Variants in NFIC observed in about 807,000 individuals in gnomAD.
NFIC encodes nuclear factor 1 C-type.
NFIC carries 12 observed loss-of-function variants against 54.4 expected under a neutral mutation model. The ratio of observed to expected loss-of-function variants is 0.22; its 90% CI spans 0.14 to 0.36. NFIC has a LOEUF of 0.36. NFIC is among the 10% of genes least tolerant of loss of function. The probability of loss-of-function intolerance (pLI) is 1.00; values close to 1 mark genes in which losing one functional copy is unlikely to be tolerated. For synonymous variants in NFIC, 322 were observed against 319.2 expected (o/e 1.01, Z -0.09); for missense variants, 575 against 718.2 (o/e 0.80, Z 2.28).
rs371032603 is a variant in NFIC, at chr19:3,434,259, C to T, written c.710-18C>T. The T allele has an allele frequency of 4.4e-6, 7 of 1,601,752 alleles. No homozygotes were observed. Among genetic ancestry groups the T allele is most frequent in the Non-Finnish European group, 5.1e-6 (6 of 1,175,976 alleles). On this transcript the variant is annotated intron_variant, in intron 4 of 10. Coordinates refer to ENST00000443272, the MANE Select transcript of NFIC (RefSeq NM_001245002.2). ...GGGCACTGCTTCCTGCCTCACTCTC[C>T]TCTGTCACCCTCTGCAGCACCCGTG... is the stretch of plus-strand genomic sequence containing the variant.
rs2082671845 is a variant in NFIC at position 3,463,528 on chromosome 19, A to G, written c.*759A>G. The G allele has an allele frequency of 2.0e-6, 2 of 982,870 alleles. No individual in the cohort carries two copies. The highest frequency in any genetic ancestry group is 3.5e-5 in the African/African-American group (2 of 56,372). 60.9% of individuals were successfully genotyped at this position (982,870 alleles called of 1,614,324 possible). On this transcript the variant is annotated 3_prime_UTR_variant, in exon 11 of 11. Transcript: ENST00000443272. ...CGGGGCCTCCCCACAAGCCCCTCCC[A>G]AAGCGCCGGCCGACTCGCTGTCTCG... is the stretch of plus-strand genomic sequence containing the variant.
intron 2 of NFIC, among the ~76,000 whole-genome samples, chr19:3,417,050 A>ATT (rs71164695): frequency 1.3e-5 from 2 of 150,316 alleles, no homozygotes; most frequent in South Asian, 2.1e-4. Flanking sequence ...GGCCCAGCTA[A>ATT]TTTTTTTTGT....
In NFIC at chr19:3,448,984, T is replaced by C. The variant is rs562041659; in HGVS notation, c.959-30T>C. 4.4e-6 allele frequency: 7 copies of C among 1,601,108 alleles called. No homozygotes were observed. The East Asian group carries it at 6.7e-5, about 15-fold the overall frequency. On this transcript the variant is annotated intron_variant, in intron 6 of 10. Coordinates refer to ENST00000443272, the MANE Select transcript of NFIC (RefSeq NM_001245002.2). ...CAGGGCTCATGGGGTGTGACCAGCC[T>C]GTGACTCTCTCGTCCCATCCCCTCC...
chr19:3,398,487 G>A (rs1015685254), intron 2 of NFIC, among the ~76,000 whole-genome samples: 5 of 151,970 alleles, frequency 3.3e-5, no homozygotes, highest in Non-Finnish European at 7.4e-5. Context: ...GCCCTCTCTG[G>A]GCCTCAGTTT....
intron 1 of NFIC, among the ~76,000 whole-genome samples, chr19:3,371,933 T>TTCCTTCCTTCCTTCCC (rs2081021598): frequency 8.9e-6 from 1 of 112,530 alleles, no homozygotes; most frequent in Non-Finnish European, 1.8e-5. Context: ...CCTTCCTTCC[T>TTCCTTCCTTCCTTCCC]TCCTTCCCTC....
chr19:3,374,682 A>T (rs562843252), intron 1 of NFIC, among the ~76,000 whole-genome samples: 14 of 152,244 alleles, frequency 9.2e-5, no homozygotes, highest in Non-Finnish European at 1.8e-4. Context: ...AGGGATGTGT[A>T]GGAGTTTGGG....
intron 6 of NFIC, among the ~76,000 whole-genome samples, chr19:3,440,997 G>A (rs371094378): frequency 5.5e-4 from 84 of 152,158 alleles, no homozygotes; most frequent in African/African-American, 1.9e-3. Context: ...TGTACTTTTT[G>A]TAGAGACAGA....
intron 5 of NFIC, 159 bp from the exon 6 acceptor site, chr19:3,434,924 G>A (rs988244451): frequency 3.1e-6 from 3 of 977,344 alleles, no homozygotes; most frequent in Admixed American, 6.0e-5. Flanking sequence ...ACAGGCGTTC[G>A]TAGGGAACGG....
chr19:3,424,017 GTTTTATTTATTTTA>G (rs2081991158), intron 2 of NFIC, among the ~76,000 whole-genome samples: 1 of 152,112 alleles, frequency 6.6e-6, no homozygotes, highest in South Asian at 2.1e-4. Context: ...TATTTATTTT[GTTTTATTTATTTTA>G]TTTTATTTAT....
intron 3 of NFIC, among the ~76,000 whole-genome samples, chr19:3,430,786 G>A (rs2082107081): frequency 6.7e-6 from 1 of 150,206 alleles, no homozygotes; most frequent in Non-Finnish European, 1.5e-5. Flanking sequence ...CCAAAATTTA[G>A]ACAGGCACTG....
At chr19:3,419,529 G>C (rs2081919994) in intron 2 of NFIC, among the ~76,000 whole-genome samples, 1 of 152,050 alleles carries the variant, frequency 6.6e-6, no homozygotes, top group African/African-American at 2.4e-5. Flanking sequence ...AGCACTTTGG[G>C]AGGCTGAGGC....
chr19:3,403,993 C>T lies in NFIC; in HGVS notation c.563-21113C>T, dbSNP rs535313195. ...CTCAGCCAGTGGCACATGTGGCTCCCGGGGCTCCCTTCTCCACCCCCCCAG... is the reference window on the plus strand; with the variant it reads ...CTCAGCCAGTGGCACATGTGGCTCCTGGGGCTCCCTTCTCCACCCCCCCAG... On this transcript the variant is annotated intron_variant, in intron 2 of 10. Coordinates refer to ENST00000443272, the MANE Select transcript of NFIC (RefSeq NM_001245002.2). Among the ~76,000 whole-genome samples the T allele has an allele frequency of 5.5e-3, 841 of 152,196 alleles. 8 individuals carry two copies. The highest frequency in any genetic ancestry group is 0.019 in the African/African-American group (793 of 41,528).
intron 2 of NFIC, among the ~76,000 whole-genome samples, chr19:3,410,294 C>G (rs543169310): frequency 2.0e-5 from 3 of 152,304 alleles, no homozygotes; most frequent in South Asian, 2.1e-4. Context: ...CCTCTCAACA[C>G]TAGCATGTGT....
intron 10 of NFIC, 107 bp from the exon 11 acceptor site, chr19:3,462,645 G>T (rs980912603): frequency 4.8e-6 from 6 of 1,259,156 alleles, no homozygotes; most frequent in Admixed American, 3.5e-5. Context: ...TGCAGGAGGT[G>T]GGGGGTGAGC....
intron 6 of NFIC, 35 bp downstream of exon 6, chr19:3,435,242 G>A (rs757834011): frequency 3.9e-6 from 6 of 1,532,872 alleles, no homozygotes; most frequent in East Asian, 4.9e-5. Flanking sequence ...CCGGCCTTCC[G>A]GTCTGAGTCA....
At chr19:3,456,336 C>T (rs1253384913) in intron 9 of NFIC, among the ~76,000 whole-genome samples, 1 of 152,200 alleles carries the variant, frequency 6.6e-6, no homozygotes, top group Non-Finnish European at 1.5e-5. Context: ...CCCCCGGGCC[C>T]CTCGAGTCAG....
At chr19:3,381,664 C>T (rs2081211132) in intron 1 of NFIC, 48 bp from the exon 2 acceptor site, 1 of 1,591,884 alleles carries the variant, frequency 6.3e-7, no homozygotes. Context: ...AGTGGGTCCG[C>T]CCTCTGCGTC....
intron 7 of NFIC, among the ~76,000 whole-genome samples, chr19:3,450,213 C>T (rs1399720321): frequency 1.4e-4 from 20 of 141,276 alleles, no homozygotes; most frequent in East Asian, 6.4e-4. Flanking sequence ...GGCGTGGTGG[C>T]AGGCGCCTGT....
rs1459686158 is a variant in NFIC at position 3,375,941 on chromosome 19, C to T, written c.31-5771C>T. ...CCTGAGACCCCAATCTTACAGAGAA[C>T]AGGCTGTTCTGAGAAAGGGACCCGT... On this transcript the variant is annotated intron_variant, in intron 1 of 10. Transcript: ENST00000443272. The surrounding 1 kb of genome is among the most constrained non-coding windows in gnomAD (Gnocchi z 4.6). 1.3e-5 allele frequency among the ~76,000 whole-genome samples: 2 copies of T among 152,092 alleles called. No homozygotes were observed. Among genetic ancestry groups the T allele is most frequent in the Non-Finnish European group, 2.9e-5 (2 of 68,006 alleles).
Sources: allele counts gnomAD v4.1 joint callset (sites outside exome capture counted in the v4.1 genomes callset), GRCh38; gene constraint gnomAD v4.1.1; non-coding constraint Gnocchi (gnomAD v3.1); transcripts MANE v1.5; gene names NCBI Gene and HGNC (gene_info 2026-07-23, HGNC 2026-07-21).